Variants in LRRC7 observed in about 807,000 individuals in gnomAD.
The protein encoded by LRRC7 is leucine-rich repeat-containing protein 7.
LRRC7 carries 23 observed loss-of-function variants against 175.7 expected under a neutral mutation model. That is an observed-to-expected ratio of 0.13 (90% CI 0.09 to 0.19). LRRC7 has a LOEUF of 0.19. Ranked by LOEUF, LRRC7 falls within the 10% of genes least tolerant of loss-of-function variation. The probability of loss-of-function intolerance (pLI) is 1.00; values close to 1 mark genes in which losing one functional copy is unlikely to be tolerated. For missense variants in LRRC7, 1,354 were observed against 1,904.7 expected (o/e 0.71, Z 5.38); for synonymous variants, 685 against 680.9 (o/e 1.01, Z -0.09).
At chr1:69,884,951 T>C (rs1312287843) in intron 7 of LRRC7, among the ~76,000 whole-genome samples, 2 of 150,090 alleles carry the variant, frequency 1.3e-5, no homozygotes, top group Non-Finnish European at 3.0e-5. Context: ...CAGCCTTGCA[T>C]CACAGGGATG....
intron 8 of LRRC7, among the ~76,000 whole-genome samples, chr1:69,940,044 C>G (rs2101796510): frequency 6.6e-6 from 1 of 152,178 alleles, no homozygotes; most frequent in Non-Finnish European, 1.5e-5. Flanking sequence ...GGCAAATATG[C>G]ATATGTACAT....
chr1:69,613,534 ATC>A (rs1569935607), intron 1 of LRRC7, among the ~76,000 whole-genome samples: 1 of 152,044 alleles, frequency 6.6e-6, no homozygotes, highest in Non-Finnish European at 1.5e-5. Flanking sequence ...TGCTCAGTGC[ATC>A]TCTGTTGTTA....
rs543415259 is a variant in LRRC7 at position 69,706,970 on chromosome 1, A to G, written c.100+28492A>G. Among the ~76,000 whole-genome samples, 6 of 152,310 alleles carry G rather than the reference A, an allele frequency of 3.9e-5. No individual in the cohort carries two copies. The East Asian group carries it at 1.2e-3, about 29-fold the overall frequency. On this transcript the variant is annotated intron_variant, in intron 2 of 26. Transcript: ENST00000651989. ...GCTCACAGTCTAATGACAAATACAG[A>G]AAATATACAAAAAAGGATAAAATTA...
intron 2 of LRRC7, among the ~76,000 whole-genome samples, chr1:69,756,431 G>A (rs1470510417): frequency 1.3e-5 from 2 of 151,636 alleles, no homozygotes; most frequent in Non-Finnish European, 2.9e-5. Flanking sequence ...CTCATCAAGT[G>A]CCTAGTATGA....
At chr1:69,801,977 C>A (rs556371735) in intron 4 of LRRC7, among the ~76,000 whole-genome samples, 1 of 150,782 alleles carries the variant, frequency 6.6e-6, no homozygotes, top group Admixed American at 6.6e-5. Flanking sequence ...CATTATTGAC[C>A]AAACATTGTT....
intron 2 of LRRC7, among the ~76,000 whole-genome samples, chr1:69,697,665 C>T (rs1662781598): frequency 6.6e-6 from 1 of 152,198 alleles, no homozygotes; most frequent in Admixed American, 6.5e-5. Context: ...CTGCTATGCC[C>T]TACAATAAAC....
At chr1:69,916,077 A>G (rs1570636420) in intron 7 of LRRC7, among the ~76,000 whole-genome samples, 1 of 2,332 alleles carries the variant, frequency 4.3e-4, no homozygotes, top group African/African-American at 1.1e-3. Flanking sequence ...TATATATATA[A>G]TATATATATT....
chr1:70,013,531 A>T (rs1656707297), intron 13 of LRRC7, among the ~76,000 whole-genome samples: 1 of 152,012 alleles, frequency 6.6e-6, no homozygotes. Flanking sequence ...AATTCCATCA[A>T]AGTGCTCATT....
chr1:69,992,723 A>G (rs116601988), intron 10 of LRRC7, among the ~76,000 whole-genome samples: 1,769 of 152,272 alleles, frequency 0.012, 24 homozygotes, highest in Non-Finnish European at 0.014. Flanking sequence ...ACCTTTAAAG[A>G]TATTGAAAAA....
At chr1:69,679,830 A>G (rs11209518) in intron 2 of LRRC7, among the ~76,000 whole-genome samples, 31,885 of 151,814 alleles carry the variant, frequency 0.21, 3,507 homozygotes, top group South Asian at 0.29. Flanking sequence ...ATTTTTCAGG[A>G]CTCTTGTACT....
chr1:69,939,763 G>GT (rs1330062395), intron 8 of LRRC7, among the ~76,000 whole-genome samples: 1 of 152,064 alleles, frequency 6.6e-6, no homozygotes, highest in African/African-American at 2.4e-5. Context: ...GGTACTTGAC[G>GT]TTTGTAGAAC....
intron 2 of LRRC7, among the ~76,000 whole-genome samples, chr1:69,752,407 G>T (rs1327918449): frequency 6.6e-6 from 1 of 152,096 alleles, no homozygotes; most frequent in Non-Finnish European, 1.5e-5. Flanking sequence ...TCTCTTTCCA[G>T]GTATGGAATA....
intron 2 of LRRC7, among the ~76,000 whole-genome samples, chr1:69,754,309 A>G (rs565797187): frequency 6.6e-6 from 1 of 152,204 alleles, no homozygotes; most frequent in East Asian, 1.9e-4. Context: ...AGAGATGATA[A>G]TGGTTTGAAC....
chr1:69,682,241 G>GC (rs1660580529), intron 2 of LRRC7, among the ~76,000 whole-genome samples: 1 of 152,018 alleles, frequency 6.6e-6, no homozygotes, highest in African/African-American at 2.4e-5. Context: ...ATTAAGTCAG[G>GC]CACACCCAAG....
At position 69,764,730 on chromosome 1, in the gene LRRC7, C is replaced by CAGACAGACAGATAGATAGAT. The variant is rs1377304958; in HGVS notation, c.303+4340_303+4341insCAGACAGATAGATAGATAGA. 1.9e-3 allele frequency among the ~76,000 whole-genome samples: 272 copies of CAGACAGACAGATAGATAGAT among 140,400 alleles called. 2 individuals are homozygous for CAGACAGACAGATAGATAGAT. Among genetic ancestry groups the CAGACAGACAGATAGATAGAT allele is most frequent in the African/African-American group, 5.2e-3 (194 of 37,472 alleles). 92.1% of individuals were successfully genotyped at this position (140,400 alleles called of 152,430 possible). On this transcript the variant is annotated intron_variant, in intron 3 of 26. Coordinates refer to ENST00000651989, the MANE Select transcript of LRRC7 (RefSeq NM_001370785.2). ...ATAGATAGGTAGGTAGATAGATAGA[C>CAGACAGACAGATAGATAGAT]AGATAGATAGATAGATAGATAGATA...
intron 3 of LRRC7, among the ~76,000 whole-genome samples, chr1:69,783,717 A>C (rs1331642900): frequency 1.4e-5 from 2 of 139,298 alleles, no homozygotes; most frequent in Non-Finnish European, 3.0e-5. Context: ...ACGCCACTGC[A>C]CTCCAGCCTG....
intron 1 of LRRC7, among the ~76,000 whole-genome samples, chr1:69,669,342 A>G (rs924953577): frequency 3.9e-5 from 6 of 152,200 alleles, no homozygotes; most frequent in Non-Finnish European, 8.8e-5. Flanking sequence ...CACTGAATAT[A>G]GTATTCTAAG....
chr1:70,024,606 A>G (rs1267043166), intron 17 of LRRC7, among the ~76,000 whole-genome samples: 4 of 152,060 alleles, frequency 2.6e-5, no homozygotes, highest in African/African-American at 9.7e-5. Flanking sequence ...TTGCAAGAAT[A>G]TAATTGATTT....
chr1:69,932,050 A>G (rs1326454386), intron 8 of LRRC7, among the ~76,000 whole-genome samples: 1 of 152,242 alleles, frequency 6.6e-6, no homozygotes, highest in African/African-American at 2.4e-5. Flanking sequence ...GCGTCTTTCT[A>G]GTGAACCCAT....
Sources: allele counts gnomAD v4.1 joint callset (sites outside exome capture counted in the v4.1 genomes callset), GRCh38; gene constraint gnomAD v4.1.1; transcripts MANE v1.5; gene names NCBI Gene and HGNC (gene_info 2026-07-23, HGNC 2026-07-21).